The following RBFOX1 variants were observed in gnomAD, a reference collection of about 807,000 sequenced individuals.
RBFOX1 encodes RNA binding protein fox-1 homolog 1.
Under a neutral mutation model 57.7 loss-of-function variants are expected in RBFOX1, and 8 were observed. The ratio of observed to expected loss-of-function variants is 0.14; its 90% CI spans 0.08 to 0.25. The LOEUF (loss-of-function observed/expected upper bound fraction) is 0.25. Ranked by LOEUF, RBFOX1 falls within the 10% of genes least tolerant of loss-of-function variation. The pLI is 1.00. For missense variants in RBFOX1, 611 were observed against 548.5 expected (o/e 1.11, Z -1.14); for synonymous variants, 326 against 222.4 (o/e 1.47, Z -4.15).
chr16:7,709,087 C>A lies in RBFOX1; in HGVS notation c.1027C>A (p.His343Asn). 2 of 1,613,534 alleles carry A rather than the reference C, an allele frequency of 1.2e-6. No individual in the cohort carries two copies. Among genetic ancestry groups the A allele is most frequent in the Admixed American group, 3.3e-5 (2 of 59,914 alleles). Reference protein sequence around the residue: ...YGRVYAADPYHHALAPAPTYG... With the variant: ...YGRVYAADPYNHALAPAPTYG... ...ACGAGTTTATGCTGCCGACCCCTAC[C>A]ACCACGCACTTGCTCCAGCCCCCAC... Residue 343 changes from histidine (H) to asparagine (N), a missense_variant, in exon 15 of 16, where the codon CAC becomes AAC. Physicochemically the swap from His to Asn is moderately conservative, Grantham distance 68. Coordinates refer to ENST00000550418, the MANE Select transcript of RBFOX1 (RefSeq NM_018723.4).
intron 1 of RBFOX1, among the ~76,000 whole-genome samples, chr16:5,291,954 A>T (rs973182184): frequency 1.3e-5 from 2 of 150,940 alleles, no homozygotes; most frequent in African/African-American, 4.9e-5. Flanking sequence ...GTTTGTGTTG[A>T]TGATGAAGAT....
At chr16:5,832,058 G>C (rs951382414) in intron 3 of RBFOX1, among the ~76,000 whole-genome samples, 2 of 152,200 alleles carry the variant, frequency 1.3e-5, no homozygotes, top group Admixed American at 1.3e-4. Flanking sequence ...ATCAGACCAT[G>C]ATTCAGGACC....
At chr16:5,549,268 T>C (rs1399927609) in intron 2 of RBFOX1, among the ~76,000 whole-genome samples, 1 of 152,178 alleles carries the variant, frequency 6.6e-6, no homozygotes, top group Non-Finnish European at 1.5e-5. Context: ...GGTCTGCAGA[T>C]ACTTCTGTCT....
chr16:6,953,334 A>T (rs1167582628), intron 3 of RBFOX1, among the ~76,000 whole-genome samples: 1 of 152,102 alleles, frequency 6.6e-6, no homozygotes, highest in East Asian at 1.9e-4. Flanking sequence ...TTCACCAGCA[A>T]CTTAATAACA....
At chr16:5,713,623 T>C (rs1424914530) in intron 3 of RBFOX1, among the ~76,000 whole-genome samples, 1 of 152,150 alleles carries the variant, frequency 6.6e-6, no homozygotes, top group African/African-American at 2.4e-5. Context: ...AAAAAGTACA[T>C]TCTATAAGGA....
intron 1 of RBFOX1, among the ~76,000 whole-genome samples, chr16:6,293,802 C>T (rs1006954856): frequency 2.0e-5 from 3 of 151,522 alleles, no homozygotes; most frequent in African/African-American, 7.3e-5. Context: ...GATTCCAGTC[C>T]AAGGAAGTGG....
intron 3 of RBFOX1, among the ~76,000 whole-genome samples, chr16:6,889,557 A>G (rs1030250438): frequency 6.6e-6 from 1 of 152,092 alleles, no homozygotes; most frequent in Non-Finnish European, 1.5e-5. Flanking sequence ...TTGAATGATG[A>G]TGGTTAGTAT....
intron 3 of RBFOX1, among the ~76,000 whole-genome samples, chr16:5,680,298 A>G (rs897338770): frequency 2.6e-5 from 4 of 152,138 alleles, no homozygotes; most frequent in African/African-American, 7.2e-5. Flanking sequence ...TGATGGAGGA[A>G]TAAGAAGGTC....
intron 3 of RBFOX1, among the ~76,000 whole-genome samples, chr16:6,736,827 C>T (rs141891214): frequency 6.6e-6 from 1 of 152,080 alleles, no homozygotes; most frequent in African/African-American, 2.4e-5. Context: ...CATCTGAATT[C>T]CAGATGTGGA....
chr16:5,366,221 C>T, intron 1 of RBFOX1: 1 of 413,626 alleles, frequency 2.4e-6, no homozygotes. Context: ...AGCAGGCTGC[C>T]CCTGGAGGTG....
At chr16:6,239,657 C>G (rs1451833756) in intron 1 of RBFOX1, among the ~76,000 whole-genome samples, 1 of 151,846 alleles carries the variant, frequency 6.6e-6, no homozygotes, top group Admixed American at 6.6e-5. Context: ...ACCACCATGT[C>G]CAGCTAATTT....
chr16:5,763,312 G>A (rs2053652560), intron 3 of RBFOX1, among the ~76,000 whole-genome samples: 1 of 152,214 alleles, frequency 6.6e-6, no homozygotes, highest in African/African-American at 2.4e-5. Context: ...ACACACAAGA[G>A]CGCTCCTTTG....
At chr16:6,872,768 A>G (rs941668626) in intron 3 of RBFOX1, among the ~76,000 whole-genome samples, 1 of 152,170 alleles carries the variant, frequency 6.6e-6, no homozygotes, top group African/African-American at 2.4e-5. Context: ...GCAAAAAAAT[A>G]AAATAACTGA....
rs1387179407 is a variant in RBFOX1 at position 6,657,065 on chromosome 16, C to CTCCTCTCCTCCCCTT, written c.-16+2432_-16+2446dup. 1.3e-4 allele frequency among the ~76,000 whole-genome samples: 16 copies of CTCCTCTCCTCCCCTT among 118,730 alleles called. 1 individual carries two copies. The highest frequency in any genetic ancestry group is 6.8e-4 in the South Asian group (2 of 2,948). The allele number at this position is 118,730 out of a possible 152,430, so 77.9% of individuals were successfully genotyped here. On this transcript the variant is annotated intron_variant, in intron 3 of 15. Transcript: ENST00000550418. ...TTCCTCTCCTCTCCTCCCCTTTCCTCTCCTCTCCTCCCCTTTCCTCTCCTC... is the reference window on the plus strand; with the variant it reads ...TTCCTCTCCTCTCCTCCCCTTTCCTCTCCTCTCCTCCCCTTTCCTCTCCTCCCCTTTCCTCTCCTC...
At chr16:6,190,453 G>C (rs1156564770) in intron 1 of RBFOX1, among the ~76,000 whole-genome samples, 1 of 152,154 alleles carries the variant, frequency 6.6e-6, no homozygotes, top group Non-Finnish European at 1.5e-5. Context: ...ACCTGGAATG[G>C]AATGAACTAC....
At chr16:6,744,132 G>C (rs879905098) in intron 3 of RBFOX1, among the ~76,000 whole-genome samples, 18 of 151,988 alleles carry the variant, frequency 1.2e-4, no homozygotes, top group Non-Finnish European at 1.8e-4. Context: ...AAATACATCA[G>C]GGATAAAGAA....
rs528367701 is a variant in RBFOX1 at position 5,704,549 on chromosome 16, C to T, written c.318+105588C>T. 3.9e-5 allele frequency among the ~76,000 whole-genome samples: 6 copies of T among 152,238 alleles called. No homozygotes were observed. The East Asian group carries it at 9.6e-4, about 24-fold the overall frequency. On this transcript the variant is annotated intron_variant, in intron 3 of 19. Transcript: ENST00000641259. ...GCATGTAATTATTCAGCAGTCACACCGTTATTCCTCGGAGATAAATCATCC... is the reference window on the plus strand; with the variant it reads ...GCATGTAATTATTCAGCAGTCACACTGTTATTCCTCGGAGATAAATCATCC...
At chr16:7,284,733 G>A (rs529427988) in intron 4 of RBFOX1, among the ~76,000 whole-genome samples, 3 of 152,214 alleles carry the variant, frequency 2.0e-5, no homozygotes, top group South Asian at 2.1e-4. Flanking sequence ...GCGACCTCAC[G>A]GTTTATCTGT....
intron 10 of RBFOX1, among the ~76,000 whole-genome samples, chr16:7,625,367 T>A (rs1323787888): frequency 6.6e-6 from 1 of 151,760 alleles, no homozygotes; most frequent in African/African-American, 2.4e-5. Context: ...GGTTTGGGGG[T>A]GGTTTCTTAT....
Sources: allele counts gnomAD v4.1 joint callset (sites outside exome capture counted in the v4.1 genomes callset), GRCh38; gene constraint gnomAD v4.1.1; transcripts MANE v1.5; gene names NCBI Gene and HGNC (gene_info 2026-07-23, HGNC 2026-07-21).